DOCK8: variants seen among roughly 807,000 people sequenced by gnomAD.
The protein encoded by DOCK8 is dedicator of cytokinesis 8, also known as dedicator of cytokinesis protein 8.
DOCK8 carries 141 observed loss-of-function variants against 245.6 expected under a neutral mutation model. That is an observed-to-expected ratio of 0.57 (90% confidence interval 0.50 to 0.66). The LOEUF (loss-of-function observed/expected upper bound fraction) is 0.66. Among genes scored for constraint, DOCK8 ranks in the 30% least tolerant of loss-of-function variants. The pLI is 0.00. For missense variants in DOCK8, 2,965 were observed against 2,603.4 expected, an observed-to-expected ratio of 1.14 and a Z score of -3.02; for synonymous variants, 1,168 against 970.2, an observed-to-expected ratio of 1.20 and a Z score of -3.79.
intron 29 of DOCK8, 129 bp downstream of exon 29, chr9:415,080 T>G: frequency 7.6e-7 from 1 of 1,321,326 alleles, no homozygotes; most frequent in Non-Finnish European, 1.1e-6. Flanking sequence ...AAAAATGGTC[T>G]CCAAACCTCT....
intron 7 of DOCK8, among the ~76,000 whole-genome samples, chr9:322,754 T>A (rs1048102452): frequency 6.6e-6 from 1 of 152,162 alleles, no homozygotes; most frequent in African/African-American, 2.4e-5. Flanking sequence ...CAATTAAATA[T>A]AGATTGAGCA....
intron 9 of DOCK8, among the ~76,000 whole-genome samples, chr9:332,057 A>G (rs918485959): frequency 1.3e-5 from 2 of 152,144 alleles, no homozygotes; most frequent in Non-Finnish European, 2.9e-5. Context: ...TGCTGTTTTT[A>G]TTATATACAT....
chr9:408,948 A>G (rs1261796029), intron 28 of DOCK8, among the ~76,000 whole-genome samples: 1 of 152,148 alleles, frequency 6.6e-6, no homozygotes, highest in Non-Finnish European at 1.5e-5. Flanking sequence ...AGAGTAATTA[A>G]CAGTGTAACT....
At chr9:451,787 AAACT>A (rs2057445289) in intron 45 of DOCK8, among the ~76,000 whole-genome samples, 1 of 151,364 alleles carries the variant, frequency 6.6e-6, no homozygotes, top group Non-Finnish European at 1.5e-5. Context: ...TTAAATGTTC[AAACT>A]AAGAAGTCAC....
chr9:313,283 C>G (rs1487475528), intron 6 of DOCK8, among the ~76,000 whole-genome samples: 1 of 152,214 alleles, frequency 6.6e-6, no homozygotes, highest in African/African-American at 2.4e-5. Context: ...TGAGATAATA[C>G]AAACACTTAG....
At chr9:429,071 G>T (rs945264042) in intron 35 of DOCK8, among the ~76,000 whole-genome samples, 1 of 152,192 alleles carries the variant, frequency 6.6e-6, no homozygotes, top group Non-Finnish European at 1.5e-5. Flanking sequence ...GGGCTCAAGC[G>T]ATTCTCATGC....
intron 1 of DOCK8, among the ~76,000 whole-genome samples, chr9:219,495 A>G (rs2046836708): frequency 6.6e-6 from 1 of 152,162 alleles, no homozygotes; most frequent in Non-Finnish European, 1.5e-5. Context: ...AAAAAATAAA[A>G]AAGGAACAAA....
At chr9:383,145 A>T (rs2053795674) in intron 22 of DOCK8, among the ~76,000 whole-genome samples, 1 of 152,196 alleles carries the variant, frequency 6.6e-6, no homozygotes, top group Non-Finnish European at 1.5e-5. Context: ...CATGCCTGTA[A>T]TCCTAGCACT....
At chr9:448,067 T>G (rs1564080478) in intron 44 of DOCK8, among the ~76,000 whole-genome samples, 1 of 152,200 alleles carries the variant, frequency 6.6e-6, no homozygotes, top group Non-Finnish European at 1.5e-5. Context: ...CCTTTCGTTC[T>G]TCCTTTTTTT....
chr9:225,514 A>T (rs1172161300), intron 1 of DOCK8, among the ~76,000 whole-genome samples: 1 of 152,212 alleles, frequency 6.6e-6, no homozygotes, highest in Non-Finnish European at 1.5e-5. Context: ...CTGCTTCTGC[A>T]GACAGTTTAA....
intron 4 of DOCK8, among the ~76,000 whole-genome samples, chr9:300,014 C>T (rs1431407929): frequency 9.3e-5 from 9 of 97,232 alleles, no homozygotes; most frequent in Non-Finnish European, 1.6e-4. Flanking sequence ...AGTGAGACTC[C>T]GTCTCAAAAA....
chr9:329,580 A>G (rs1453569601), intron 9 of DOCK8, among the ~76,000 whole-genome samples: 7 of 152,216 alleles, frequency 4.6e-5, no homozygotes, highest in Admixed American at 1.3e-4. Context: ...TCAAACTTCA[A>G]TGTGTCTCCT....
intron 2 of DOCK8, among the ~76,000 whole-genome samples, 179 bp from the exon 3 acceptor site, chr9:286,281 AT>A (rs1000133690): frequency 3.3e-5 from 5 of 152,036 alleles, no homozygotes; most frequent in Admixed American, 2.0e-4. Context: ...TCTGTGCTGC[AT>A]TTTTTTCCAT....
chr9:323,503 G>T (rs1009027577), intron 7 of DOCK8, among the ~76,000 whole-genome samples: 2 of 152,162 alleles, frequency 1.3e-5, no homozygotes, highest in Non-Finnish European at 2.9e-5. Context: ...TTACAGGCAT[G>T]AGCCACTGCG....
chr9:238,985 A>G (rs2047323157), intron 1 of DOCK8, among the ~76,000 whole-genome samples: 1 of 152,080 alleles, frequency 6.6e-6, no homozygotes, highest in Admixed American at 6.6e-5. Context: ...ACACCGATTC[A>G]CCTACTCTGT....
intron 5 of DOCK8, among the ~76,000 whole-genome samples, chr9:311,480 C>T (rs549234612): frequency 7.3e-5 from 11 of 151,336 alleles, no homozygotes; most frequent in East Asian, 3.9e-4. Flanking sequence ...CTTGAACTCC[C>T]GGCCTCAAGC....
rs1362434586 is a variant in DOCK8 at position 441,385 on chromosome 9, C to G, written c.5323C>G (p.Leu1775Val). ...GAAGCTGACACTCACTCACAGCAAG[C>G]TGCAGAGAGCCTTCGACAGCATCGT... is the stretch of plus-strand genomic sequence containing the variant. Reference protein sequence around the residue: ...FRKLTLTHSKLQRAFDSIVNK... With the variant: ...FRKLTLTHSKVQRAFDSIVNK... The change falls in exon 41 of 48, where the codon CTG (leucine) becomes GTG (valine). Residue 1775 changes from leucine to valine, a missense_variant. Leu to Val is a conservative substitution (Grantham distance 32). Around this residue, in one of 3 missense-constraint regions of DOCK8, gnomAD observed 2,825 missense variants for 2,453.5 expected, o/e 1.15. Coordinates refer to ENST00000432829, the MANE Select transcript of DOCK8 (RefSeq NM_203447.4). The G allele has an allele frequency of 2.5e-6, 4 of 1,614,212 alleles. No homozygotes were observed. In the African/African-American group the frequency reaches 5.3e-5, roughly 22 times the overall value.
chr9:412,922 T>C (rs115121545), intron 28 of DOCK8, among the ~76,000 whole-genome samples: 2,210 of 151,440 alleles, frequency 0.015, 53 homozygotes, highest in African/African-American at 0.05. Context: ...CTAAAATTCG[T>C]GTGGAAATTC....
chr9:303,561 G>T (rs2049663021), intron 4 of DOCK8, among the ~76,000 whole-genome samples: 2 of 152,140 alleles, frequency 1.3e-5, no homozygotes, highest in East Asian at 3.9e-4. Context: ...AATACCACAT[G>T]TTCTTATTTA....
Sources: gnomAD v4.1 joint callset for allele counts (sites outside exome capture counted in the v4.1 genomes callset) on GRCh38, gnomAD v4.1.1 for gene constraint, gnomAD v4.1.1 regional missense constraint, MANE v1.5 for transcripts, NCBI Gene and HGNC (gene_info 2026-07-23, HGNC 2026-07-21) for gene names.